The following PRKCI variants were observed in gnomAD, a reference collection of about 807,000 sequenced individuals.
PRKCI encodes protein kinase C iota type.
In PRKCI, 43 loss-of-function variants were observed where a neutral mutation model predicts 84.0. The observed-to-expected ratio is 0.51, with a 90% CI of 0.40 to 0.66. The LOEUF (loss-of-function observed/expected upper bound fraction) is 0.66, where lower values mean the gene tolerates loss of function less well. PRKCI is among the 30% of genes least tolerant of loss of function. The pLI, the probability that PRKCI is intolerant of heterozygous loss-of-function variation, is 0.00. For synonymous variants in PRKCI, 216 were observed against 234.4 expected, an observed-to-expected ratio of 0.92 and a Z score of 0.72; for missense variants, 459 against 745.6, an observed-to-expected ratio of 0.62 and a Z score of 4.48.
At chr3:170,276,181 C>G (rs375666253) in intron 8 of PRKCI, among the ~76,000 whole-genome samples, 48 of 152,234 alleles carry the variant, frequency 3.2e-4, no homozygotes, top group African/African-American at 1.1e-3. Flanking sequence ...TCAAGCAGTT[C>G]TCCCAAATCA....
intron 12 of PRKCI, among the ~76,000 whole-genome samples, chr3:170,285,030 A>G (rs1734338593): frequency 6.6e-6 from 1 of 152,018 alleles, no homozygotes; most frequent in African/African-American, 2.4e-5. Flanking sequence ...ATAAAGCATA[A>G]TAGGATAAAA....
intron 2 of PRKCI, among the ~76,000 whole-genome samples, chr3:170,236,208 T>A (rs2108837665): frequency 6.6e-6 from 1 of 152,000 alleles, no homozygotes; most frequent in Admixed American, 6.6e-5. Flanking sequence ...TTCAAGCAAT[T>A]CTTGTGCCTC....
intron 2 of PRKCI, among the ~76,000 whole-genome samples, chr3:170,252,606 T>C (rs985100049): frequency 5.0e-4 from 74 of 148,196 alleles, no homozygotes; most frequent in Non-Finnish European, 7.8e-4. Context: ...TTTTCTAACC[T>C]TTTTTTTTTT....
intron 17 of PRKCI, among the ~76,000 whole-genome samples, chr3:170,299,416 C>T (rs1734768744): frequency 6.6e-6 from 1 of 152,042 alleles, no homozygotes; most frequent in Admixed American, 6.6e-5. Context: ...TTAGTAAGGA[C>T]AGAGTTTGCC....
chr3:170,274,902 T>C (rs1734077464), intron 7 of PRKCI, among the ~76,000 whole-genome samples: 1 of 152,144 alleles, frequency 6.6e-6, no homozygotes, highest in Non-Finnish European at 1.5e-5. Context: ...GAGTCATTTG[T>C]TTAGAAGGAA....
intron 1 of PRKCI, among the ~76,000 whole-genome samples, chr3:170,234,200 T>A (rs1337776922): frequency 6.6e-6 from 1 of 151,824 alleles, no homozygotes; most frequent in African/African-American, 2.4e-5. Flanking sequence ...CCCAGCAAAT[T>A]TTTTATTTTT....
chr3:170,239,610 G>T (rs1409174675), intron 2 of PRKCI, among the ~76,000 whole-genome samples: 2 of 152,026 alleles, frequency 1.3e-5, no homozygotes, highest in Non-Finnish European at 2.9e-5. Context: ...GGAGAGTTCT[G>T]TTCCCAGATT....
At chr3:170,288,743 T>C (rs9857485) in intron 12 of PRKCI, among the ~76,000 whole-genome samples, 18,022 of 152,012 alleles carry the variant, frequency 0.12, 2,569 homozygotes, top group African/African-American at 0.34. Flanking sequence ...GGCAACAGAG[T>C]GAGACTCCGC....
chr3:170,248,570 A>T (rs546491815), intron 2 of PRKCI, among the ~76,000 whole-genome samples: 28 of 147,614 alleles, frequency 1.9e-4, no homozygotes, highest in African/African-American at 7.5e-4. Context: ...CTTCACGCTT[A>T]TGCATTGAGT....
rs200064576 is a variant in PRKCI at position 170,297,439 on chromosome 3, T to C, written c.1587+46T>C. 7.8e-5 allele frequency: 115 copies of C among 1,467,250 alleles called. No individual in the cohort carries two copies. In the African/African-American group the frequency reaches 1.5e-3, roughly 19 times the overall value. The allele number at this position is 1,467,250 out of a possible 1,614,324, so 90.9% of individuals were successfully genotyped here. On this transcript the variant is annotated intron_variant, in intron 16 of 17. Transcript: ENST00000295797. ...CAACTATTAGGTTTCATTATTATCTTGGGCCAATTTTTTGTTGTTGTTCTG... is the reference window on the plus strand; with the variant it reads ...CAACTATTAGGTTTCATTATTATCTCGGGCCAATTTTTTGTTGTTGTTCTG...
At chr3:170,227,945 G>A (rs1732677257) in intron 1 of PRKCI, among the ~76,000 whole-genome samples, 1 of 152,174 alleles carries the variant, frequency 6.6e-6, no homozygotes, top group Non-Finnish European at 1.5e-5. Flanking sequence ...GAAATTTTAA[G>A]GGGTAGTATC....
In PRKCI at chr3:170,263,276, G is replaced by C; in HGVS notation, c.314-103G>C. The C allele has an allele frequency of 3.3e-6, 3 of 898,432 alleles. No homozygotes were observed. In the South Asian group the frequency reaches 4.7e-5, roughly 14 times the overall value. The allele number at this position is 898,432 out of a possible 1,614,324, so 55.7% of individuals were successfully genotyped here. A position where few individuals can be genotyped will look rare whatever the true frequency, so the allele number is the denominator to read the frequency against. On this transcript the variant is annotated intron_variant, in intron 3 of 17. Coordinates refer to ENST00000295797, the MANE Select transcript of PRKCI (RefSeq NM_002740.6). ...CTTGTCTCAAGTGAAGAGAGGGTCAGGTTGAAATCTGGGTCAGTTTCTTTT... is the reference window on the plus strand; with the variant it reads ...CTTGTCTCAAGTGAAGAGAGGGTCACGTTGAAATCTGGGTCAGTTTCTTTT...
Position 170,292,912 on chromosome 3 carries a change from G to A in PRKCI, c.1292-471G>A, listed in dbSNP as rs149086845. On this transcript the variant is annotated intron_variant, in intron 13 of 17. Transcript: ENST00000295797. Reference sequence around the variant, plus strand: ...AAAAATTAGCCGGGCGTGTTCACAGGTGCCTGTAGTCTCAGCTACTCGGGA... The same window carrying A: ...AAAAATTAGCCGGGCGTGTTCACAGATGCCTGTAGTCTCAGCTACTCGGGA... Among the ~76,000 whole-genome samples, 184 of 147,672 alleles carry A rather than the reference G, an allele frequency of 1.2e-3. 1 individual carries two copies. The highest frequency in any genetic ancestry group is 2.1e-3 in the South Asian group (10 of 4,670).
intron 1 of PRKCI, among the ~76,000 whole-genome samples, chr3:170,230,002 A>G (rs1732743263): frequency 1.3e-5 from 2 of 152,108 alleles, no homozygotes; most frequent in African/African-American, 4.8e-5. Flanking sequence ...ACATTTTGTT[A>G]AAGTTGCCAG....
chr3:170,229,589 G>A (rs1029180091), intron 1 of PRKCI, among the ~76,000 whole-genome samples: 3 of 152,114 alleles, frequency 2.0e-5, no homozygotes, highest in East Asian at 1.9e-4. Flanking sequence ...GAGCCATTGC[G>A]CCCAGCCACC....
chr3:170,248,805 GT>G (rs943564333), intron 2 of PRKCI, among the ~76,000 whole-genome samples: 12 of 151,678 alleles, frequency 7.9e-5, no homozygotes, highest in African/African-American at 2.9e-4. Context: ...AAAAGATGAT[GT>G]ACAGCAAAAG....
At chr3:170,264,069 C>A (rs773311894) in intron 4 of PRKCI, among the ~76,000 whole-genome samples, 3 of 152,084 alleles carry the variant, frequency 2.0e-5, no homozygotes, top group Non-Finnish European at 2.9e-5. Context: ...TATCCTTTGC[C>A]CAGATTTACC....
intron 2 of PRKCI, among the ~76,000 whole-genome samples, chr3:170,250,032 T>C (rs1242984357): frequency 6.6e-6 from 1 of 152,080 alleles, no homozygotes; most frequent in Non-Finnish European, 1.5e-5. Flanking sequence ...TCCCAGCACT[T>C]TGGGAGGCCT....
rs540267830 is a variant in PRKCI at position 170,268,041 on chromosome 3, AT to A, written c.450+47del. On this transcript the variant is annotated intron_variant, in intron 5 of 17. Coordinates refer to ENST00000295797, the MANE Select transcript of PRKCI (RefSeq NM_002740.6). ...TGAATGTCGATAATGTGAAACAGCT[AT>A]TTTTTCCCTTTCTACTATGAAAGAA... The A allele has an allele frequency of 6.6e-3, 9,815 of 1,491,238 alleles. 46 individuals carry two copies. Among genetic ancestry groups the A allele is most frequent in the Middle Eastern group, 0.011 (53 of 4,660 alleles). The allele number at this position is 1,491,238 out of a possible 1,614,324, so 92.4% of individuals were successfully genotyped here. A position where few individuals can be genotyped will look rare whatever the true frequency, so the allele number is the denominator to read the frequency against.
Sources: allele counts gnomAD v4.1 joint callset (sites outside exome capture counted in the v4.1 genomes callset), GRCh38; gene constraint gnomAD v4.1.1; transcripts MANE v1.5; gene names NCBI Gene and HGNC (gene_info 2026-07-23, HGNC 2026-07-21).